Variants in ASIC2 observed in about 807,000 individuals in gnomAD.
ASIC2 encodes acid sensing ion channel subunit 2, also known as acid-sensing ion channel 2.
A neutral mutation model predicts 57.3 loss-of-function variants in ASIC2; 25 were observed. The observed-to-expected ratio is 0.44, with a 90% CI of 0.32 to 0.61. The LOEUF (loss-of-function observed/expected upper bound fraction) is 0.61, where lower values mean the gene tolerates loss of function less well. Among genes scored for constraint, ASIC2 ranks in the 20% least tolerant of loss-of-function variants. ASIC2 has a pLI of 0.06. For synonymous variants in ASIC2, 319 were observed against 307.5 expected (o/e 1.04, Z -0.39); for missense variants, 641 against 738.1 (o/e 0.87, Z 1.52).
intron 1 of ASIC2, among the ~76,000 whole-genome samples, chr17:33,242,459 C>A (rs1908542394): frequency 6.6e-6 from 1 of 152,144 alleles, no homozygotes; most frequent in Non-Finnish European, 1.5e-5. Flanking sequence ...TTCAATGCAA[C>A]CCTGGATAGA....
intron 1 of ASIC2, among the ~76,000 whole-genome samples, chr17:33,515,280 C>G (rs963913901): frequency 1.1e-4 from 17 of 152,196 alleles, no homozygotes; most frequent in African/African-American, 3.9e-4. Flanking sequence ...CACTCCAGCC[C>G]TGCCTAGTCT....
At chr17:33,362,670 T>C (rs142076080) in intron 1 of ASIC2, among the ~76,000 whole-genome samples, 22 of 152,370 alleles carry the variant, frequency 1.4e-4, no homozygotes, top group African/African-American at 5.3e-4. Flanking sequence ...GAGCCCTTAC[T>C]CCTGCATTGT....
chr17:33,372,465 G>A (rs1017030867), intron 1 of ASIC2, among the ~76,000 whole-genome samples: 1 of 152,080 alleles, frequency 6.6e-6, no homozygotes, highest in Non-Finnish European at 1.5e-5. Context: ...AGGGTTTAGG[G>A]GCATGAAGCC....
At chr17:33,051,299 A>G (rs1258285065) in intron 3 of ASIC2, among the ~76,000 whole-genome samples, 2 of 152,110 alleles carry the variant, frequency 1.3e-5, no homozygotes, top group African/African-American at 4.8e-5. Context: ...TGAGAACCCA[A>G]GTCTTTTGAA....
intron 1 of ASIC2, among the ~76,000 whole-genome samples, chr17:34,047,579 T>G (rs1466921331): frequency 6.7e-6 from 1 of 150,170 alleles, no homozygotes; most frequent in African/African-American, 2.5e-5. Flanking sequence ...TTCCCACCCC[T>G]GATTATATCC....
chr17:33,538,276 A>T (rs1265461244), intron 1 of ASIC2, among the ~76,000 whole-genome samples: 1 of 152,236 alleles, frequency 6.6e-6, no homozygotes. Context: ...ATTAGGTCTC[A>T]TCGCATACCC....
intron 3 of ASIC2, among the ~76,000 whole-genome samples, chr17:33,029,354 C>T (rs1444692989): frequency 1.3e-5 from 2 of 152,184 alleles, no homozygotes; most frequent in Non-Finnish European, 2.9e-5. Flanking sequence ...TGTTCTCAAA[C>T]TTCATATAAA....
At chr17:33,776,856 T>C (rs1252139164) in intron 1 of ASIC2, among the ~76,000 whole-genome samples, 1 of 152,212 alleles carries the variant, frequency 6.6e-6, no homozygotes, top group African/African-American at 2.4e-5. Flanking sequence ...ATGCCATTTT[T>C]ATAAATAATA....
At chr17:34,123,354 G>A (rs754714214) in intron 1 of ASIC2, among the ~76,000 whole-genome samples, 1 of 152,138 alleles carries the variant, frequency 6.6e-6, no homozygotes, top group South Asian at 2.1e-4. Flanking sequence ...GGAAGGCTTC[G>A]GCTCCACTGC....
In ASIC2 at chr17:33,055,383, G is replaced by A. The variant is rs142091941; in HGVS notation, c.988-26991C>T. On this transcript the variant is annotated intron_variant, in intron 3 of 9. Coordinates refer to ENST00000225823, the MANE Select transcript of ASIC2 (RefSeq NM_183377.2). ...CAGGACTCCTCGTTCCTCAACTGTCGCTTCTGGTTACCAAGGGCCTCTGGG... is the reference window on the plus strand; with the variant it reads ...CAGGACTCCTCGTTCCTCAACTGTCACTTCTGGTTACCAAGGGCCTCTGGG... Among the ~76,000 whole-genome samples, 8 of 151,840 alleles carry A rather than the reference G, an allele frequency of 5.3e-5. No individual in the cohort carries two copies. In the East Asian group the frequency reaches 5.8e-4, roughly 11 times the overall value.
chr17:33,071,816 G>A (rs754184485), intron 3 of ASIC2, among the ~76,000 whole-genome samples: 2 of 152,156 alleles, frequency 1.3e-5, no homozygotes, highest in Admixed American at 1.3e-4. Flanking sequence ...TGTTACTGAT[G>A]CAAGACCCTT....
At chr17:33,286,950 A>G (rs1049492548) in intron 1 of ASIC2, among the ~76,000 whole-genome samples, 1 of 152,230 alleles carries the variant, frequency 6.6e-6, no homozygotes, top group Non-Finnish European at 1.5e-5. Flanking sequence ...AAATGAGCAT[A>G]TATCTCTACT....
At chr17:34,036,491 G>A (rs1237548102) in intron 1 of ASIC2, among the ~76,000 whole-genome samples, 1 of 151,358 alleles carries the variant, frequency 6.6e-6, no homozygotes, top group Admixed American at 6.6e-5. Context: ...CCTGCACGTT[G>A]TGCACACGTA....
intron 1 of ASIC2, among the ~76,000 whole-genome samples, chr17:33,423,780 C>A (rs1179020704): frequency 2.0e-5 from 3 of 152,208 alleles, no homozygotes; most frequent in Non-Finnish European, 2.9e-5. Flanking sequence ...ACTCATGCAG[C>A]AGCTCAGCCC....
chr17:33,532,274 C>T (rs2141961723), intron 1 of ASIC2, among the ~76,000 whole-genome samples: 1 of 152,360 alleles, frequency 6.6e-6, no homozygotes, highest in Non-Finnish European at 1.5e-5. Context: ...ACATATCAGG[C>T]ACTGTGCCAG....
intron 1 of ASIC2, among the ~76,000 whole-genome samples, chr17:33,369,485 C>G (rs191673716): frequency 6.6e-6 from 1 of 152,164 alleles, no homozygotes; most frequent in African/African-American, 2.4e-5. Flanking sequence ...TAATTCCAGC[C>G]TGCCTTGCCT....
chr17:33,440,835 T>C (rs1911797585), intron 1 of ASIC2, among the ~76,000 whole-genome samples: 1 of 152,258 alleles, frequency 6.6e-6, no homozygotes, highest in Non-Finnish European at 1.5e-5. Context: ...AATCGAGTTA[T>C]AAGAGTTCTT....
chr17:33,419,154 G>T (rs943599250), intron 1 of ASIC2, among the ~76,000 whole-genome samples: 3 of 152,204 alleles, frequency 2.0e-5, no homozygotes. Context: ...GCCTTGTCTG[G>T]CAGAGACAGA....
At chr17:34,120,202 A>G (rs745601419) in intron 1 of ASIC2, 1 of 152,206 alleles carries the variant, frequency 6.6e-6, no homozygotes, top group Non-Finnish European at 1.5e-5. Context: ...TTATGGGGGA[A>G]CTGGATAACA....
Sources: allele counts gnomAD v4.1 joint callset (sites outside exome capture counted in the v4.1 genomes callset), GRCh38; gene constraint gnomAD v4.1.1; transcripts MANE v1.5; gene names NCBI Gene and HGNC (gene_info 2026-07-23, HGNC 2026-07-21).